The following CDK14 variants were observed in gnomAD, a reference collection of about 807,000 sequenced individuals.
The protein encoded by CDK14 is cyclin-dependent kinase 14.
Under a neutral mutation model 60.7 loss-of-function variants are expected in CDK14, and 34 were observed. The ratio of observed to expected loss-of-function variants is 0.56; its 90% CI spans 0.43 to 0.75. CDK14 has a LOEUF of 0.75. Among genes scored for constraint, CDK14 ranks in the 30% least tolerant of loss-of-function variants. The pLI is 0.00. For synonymous variants in CDK14, 197 were observed against 203.7 expected (o/e 0.97, Z 0.28); for missense variants, 482 against 564.1 (o/e 0.85, Z 1.47).
At chr7:90,833,005 C>CAGTGTAGTGGGTTACA (rs1789964155) in intron 5 of CDK14, among the ~76,000 whole-genome samples, 1 of 152,202 alleles carries the variant, frequency 6.6e-6, no homozygotes, top group African/African-American at 2.4e-5. Flanking sequence ...TGTCACCCAT[C>CAGTGTAGTGGGTTACA]ATGTCAGCAC....
chr7:91,197,932 G>C (rs1437715208), intron 14 of CDK14, among the ~76,000 whole-genome samples: 1 of 152,228 alleles, frequency 6.6e-6, no homozygotes, highest in African/African-American at 2.4e-5. Flanking sequence ...TGAATTCAGT[G>C]ATTTGTCCTT....
At chr7:90,972,012 T>G (rs2117631925) in intron 9 of CDK14, among the ~76,000 whole-genome samples, 1 of 152,338 alleles carries the variant, frequency 6.6e-6, no homozygotes, top group South Asian at 2.1e-4. Flanking sequence ...CTTTATTTTT[T>G]ACTTTTGTTT....
At chr7:91,151,905 A>G (rs527879975) in intron 14 of CDK14, among the ~76,000 whole-genome samples, 1 of 152,336 alleles carries the variant, frequency 6.6e-6, no homozygotes, top group South Asian at 2.1e-4. Flanking sequence ...GTCTAAAGCA[A>G]TGGAAATTAA....
At chr7:90,865,199 T>A (rs761836455) in intron 6 of CDK14, among the ~76,000 whole-genome samples, 1 of 152,186 alleles carries the variant, frequency 6.6e-6, no homozygotes, top group South Asian at 2.1e-4. Context: ...TAGTAAAAGA[T>A]GTTTAGTTGA....
intron 5 of CDK14, among the ~76,000 whole-genome samples, chr7:90,793,820 C>G (rs1386027107): frequency 6.6e-6 from 1 of 152,176 alleles, no homozygotes; most frequent in Non-Finnish European, 1.5e-5. Context: ...TATGTATTGT[C>G]TATGGCTGCT....
chr7:91,117,300 G>A (rs768028837), intron 13 of CDK14, among the ~76,000 whole-genome samples: 22 of 151,182 alleles, frequency 1.5e-4, no homozygotes, highest in African/African-American at 3.4e-4. Flanking sequence ...GATCACGCAC[G>A]CCACTCCTCA....
At chr7:91,138,802 TATAAG>T (rs1800360008) in intron 14 of CDK14, among the ~76,000 whole-genome samples, 1 of 152,158 alleles carries the variant, frequency 6.6e-6, no homozygotes. Context: ...TGTAAGGATA[TATAAG>T]ATATTTTATG....
intron 14 of CDK14, among the ~76,000 whole-genome samples, chr7:91,206,046 G>A (rs756731956): frequency 2.6e-4 from 40 of 151,980 alleles, no homozygotes; most frequent in Non-Finnish European, 5.1e-4. Flanking sequence ...TGCCCGTCTC[G>A]GCCTCCCAAA....
chr7:90,680,204 T>C (rs1801285845), intron 2 of CDK14, among the ~76,000 whole-genome samples: 1 of 152,168 alleles, frequency 6.6e-6, no homozygotes, highest in African/African-American at 2.4e-5. Context: ...TTCTTTATAT[T>C]GTGAAATATT....
intron 2 of CDK14, among the ~76,000 whole-genome samples, chr7:90,633,108 AAATT>A (rs1413969555): frequency 6.6e-6 from 1 of 151,718 alleles, no homozygotes; most frequent in Non-Finnish European, 1.5e-5. Flanking sequence ...AAAAAAAAAA[AAATT>A]GTTTTGCAGT....
chr7:91,138,087 T>C (rs1000419166), intron 14 of CDK14, among the ~76,000 whole-genome samples: 7 of 152,222 alleles, frequency 4.6e-5, no homozygotes, highest in Non-Finnish European at 1.0e-4. Context: ...CCTCTCTCCA[T>C]TGTGGTGAGA....
chr7:91,063,273 T>C (rs1584279660), intron 11 of CDK14, among the ~76,000 whole-genome samples: 1 of 152,330 alleles, frequency 6.6e-6, no homozygotes, highest in East Asian at 1.9e-4. Flanking sequence ...TAATAACTCT[T>C]ATTCTAATAT....
chr7:90,767,275 A>T (rs771571039), intron 4 of CDK14, among the ~76,000 whole-genome samples: 9 of 152,178 alleles, frequency 5.9e-5, no homozygotes, highest in Non-Finnish European at 1.3e-4. Context: ...GCCTTGGCCT[A>T]TTTCTTGACC....
chr7:90,618,031 A>G (rs1301989436), intron 2 of CDK14, among the ~76,000 whole-genome samples: 1 of 152,224 alleles, frequency 6.6e-6, no homozygotes, highest in Non-Finnish European at 1.5e-5. Context: ...AATGGTTAGT[A>G]TTGAACAGAA....
intron 14 of CDK14, among the ~76,000 whole-genome samples, chr7:91,189,484 A>G (rs1202710543): frequency 9.9e-5 from 15 of 152,172 alleles, no homozygotes. Context: ...ATCATTTTTG[A>G]TATGCATGAC....
At chr7:91,054,973 G>A (rs1797508501) in intron 11 of CDK14, among the ~76,000 whole-genome samples, 1 of 152,106 alleles carries the variant, frequency 6.6e-6, no homozygotes, top group Non-Finnish European at 1.5e-5. Context: ...AAGACCTACA[G>A]GCTACAAAAA....
At chr7:90,951,232 T>C (rs534966264) in intron 8 of CDK14, among the ~76,000 whole-genome samples, 2 of 152,270 alleles carry the variant, frequency 1.3e-5, no homozygotes, top group Non-Finnish European at 1.5e-5. Flanking sequence ...CCTAGAAATA[T>C]TGATTTTGTG....
chr7:91,156,695 T>C (rs1489327447), intron 14 of CDK14, among the ~76,000 whole-genome samples: 2 of 152,232 alleles, frequency 1.3e-5, no homozygotes, highest in Non-Finnish European at 2.9e-5. Flanking sequence ...ATCTTGTACC[T>C]ATAAGTGGTG....
chr7:91,009,596 G>T (rs1269228210), intron 10 of CDK14, among the ~76,000 whole-genome samples: 1 of 152,098 alleles, frequency 6.6e-6, no homozygotes, highest in Non-Finnish European at 1.5e-5. Flanking sequence ...ATGATTAATG[G>T]TGAGCATCTT....
Sources: gnomAD v4.1 joint callset for allele counts (sites outside exome capture counted in the v4.1 genomes callset) on GRCh38, gnomAD v4.1.1 for gene constraint, MANE v1.5 for transcripts, NCBI Gene and HGNC (gene_info 2026-07-23, HGNC 2026-07-21) for gene names.